STK3: variants seen among roughly 807,000 people sequenced by gnomAD.
The protein encoded by STK3 is serine/threonine kinase 3.
A neutral mutation model predicts 58.0 loss-of-function variants in STK3; 41 were observed. The ratio of observed to expected loss-of-function variants is 0.71; its 90% CI spans 0.55 to 0.92. The LOEUF is 0.92. Ranked by LOEUF, STK3 falls within the 40% of genes least tolerant of loss-of-function variation. The pLI is 0.00. For missense variants in STK3, 479 were observed against 602.7 expected, an observed-to-expected ratio of 0.79 and a Z score of 2.15; for synonymous variants, 170 against 191.0, an observed-to-expected ratio of 0.89 and a Z score of 0.91.
intron 4 of STK3, among the ~76,000 whole-genome samples, chr8:98,738,833 C>T (rs1306470232): frequency 6.6e-6 from 1 of 152,224 alleles, no homozygotes; most frequent in African/African-American, 2.4e-5. Flanking sequence ...GTTCCCTTTC[C>T]TAGTCAAAGA....
Position 98,707,190 on chromosome 8 carries a change from C to T in STK3, c.473G>A (p.Gly158Glu). ...TCCAAAATCTGCCAATTTTGCATGT[C>T]CTTCTGTATTGAGGAGAATATTTCC... ...KAGNILLNTEGHAKLADFGVA... is the reference protein window; with the variant it reads ...KAGNILLNTEEHAKLADFGVA... The change falls in exon 5 of 11, where the codon GGA (glycine) becomes GAA (glutamate). Residue 158 changes from glycine (G) to glutamate (E), a missense_variant. Physicochemically the swap from Gly to Glu is moderately conservative, Grantham distance 98 (BLOSUM62 -2). This residue lies in a region of STK3 where 126 missense variants were observed against 210.1 expected (regional missense o/e 0.60). Transcript: ENST00000419617. 6.2e-7 allele frequency: 1 copy of T among 1,609,772 alleles called. No homozygotes were observed. The highest frequency in any genetic ancestry group is 8.5e-7 in the Non-Finnish European group (1 of 1,179,012).
chr8:98,453,849 T>C (rs1489237472), downstream of STK3, among the ~76,000 whole-genome samples: 2 of 152,104 alleles, frequency 1.3e-5, no homozygotes. Context: ...AGGCAAGATA[T>C]CGAACAGGTT....
At position 98,597,931 on chromosome 8, in the gene STK3, C is replaced by T. The variant is rs1475937091; in HGVS notation, c.685-1762G>A. On this transcript the variant is annotated intron_variant, in intron 6 of 10. Coordinates refer to ENST00000419617, the MANE Select transcript of STK3 (RefSeq NM_006281.4). ...ATCTCAGACAGCTCCACAGTTGAGG[C>T]AGAACCTAATAAGGCTTTAAAAAAT... 5 of 984,956 alleles carry T rather than the reference C, an allele frequency of 5.1e-6. No individual in the cohort carries two copies. In the East Asian group the frequency reaches 5.7e-4, roughly 112 times the overall value. The allele number at this position is 984,956 out of a possible 1,614,324, so 61.0% of individuals were successfully genotyped here.
intron 6 of STK3, among the ~76,000 whole-genome samples, chr8:98,666,981 G>T (rs1822415405): frequency 1.3e-5 from 2 of 152,076 alleles, no homozygotes; most frequent in South Asian, 2.1e-4. Context: ...GGATCATATT[G>T]TCTTTTTAAA....
chr8:98,564,861 G>A (rs936037761), intron 8 of STK3, among the ~76,000 whole-genome samples: 42 of 152,028 alleles, frequency 2.8e-4, no homozygotes, highest in African/African-American at 9.7e-4. Flanking sequence ...TAAAAACTAA[G>A]TAAATCTGAA....
intron 2 of STK3, among the ~76,000 whole-genome samples, chr8:98,375,947 G>A (rs1817669992): frequency 6.6e-6 from 1 of 152,176 alleles, no homozygotes; most frequent in Non-Finnish European, 1.5e-5. Flanking sequence ...ACACAGGGGT[G>A]GGGTTATTGG....
chr8:98,840,071 G>A (rs1374136377), intron 3 of STK3, among the ~76,000 whole-genome samples: 1 of 152,000 alleles, frequency 6.6e-6, no homozygotes, highest in Non-Finnish European at 1.5e-5. Flanking sequence ...TATAGGCTGG[G>A]TGCCGTGGCT....
intron 1 of STK3, among the ~76,000 whole-genome samples, chr8:98,889,369 C>T (rs1414328049): frequency 6.6e-6 from 1 of 152,202 alleles, no homozygotes; most frequent in African/African-American, 2.4e-5. Flanking sequence ...TCCAGGGAGA[C>T]AGTTCCCAGA....
chr8:98,912,935 G>C (rs1041110361), intron 1 of STK3, among the ~76,000 whole-genome samples: 2 of 151,940 alleles, frequency 1.3e-5, no homozygotes, highest in Admixed American at 1.3e-4. Context: ...TTGAGACAGG[G>C]TCTCACTCTG....
At chr8:98,839,833 T>A (rs893104797) in intron 3 of STK3, among the ~76,000 whole-genome samples, 2 of 152,146 alleles carry the variant, frequency 1.3e-5, no homozygotes, top group Admixed American at 1.3e-4. Context: ...ACCTTGCGAA[T>A]AAATCATCAT....
intron 1 of STK3, among the ~76,000 whole-genome samples, chr8:98,441,251 T>A (rs1007927726): frequency 1.8e-4 from 28 of 152,228 alleles, no homozygotes; most frequent in Non-Finnish European, 1.5e-5. Flanking sequence ...GACCTTTCTA[T>A]GAATAGACAC....
At chr8:98,513,293 T>A (rs1824664796) in intron 10 of STK3, among the ~76,000 whole-genome samples, 1 of 152,108 alleles carries the variant, frequency 6.6e-6, no homozygotes, top group Non-Finnish European at 1.5e-5. Context: ...CCAGCCTACA[T>A]AAGAGGGCAA....
intron 6 of STK3, among the ~76,000 whole-genome samples, chr8:98,629,070 G>C (rs76212764): frequency 7.6e-4 from 115 of 152,168 alleles, no homozygotes; most frequent in African/African-American, 2.7e-3. Flanking sequence ...TTTAGACACA[G>C]ATTATACCAA....
At chr8:98,571,414 C>G (rs560403454) in intron 8 of STK3, among the ~76,000 whole-genome samples, 1 of 152,166 alleles carries the variant, frequency 6.6e-6, no homozygotes, top group South Asian at 2.1e-4. Context: ...AAGTTTCTGT[C>G]TAAGAAATGC....
At chr8:98,755,028 T>C (rs1830206157) in intron 3 of STK3, among the ~76,000 whole-genome samples, 1 of 152,140 alleles carries the variant, frequency 6.6e-6, no homozygotes, top group East Asian at 1.9e-4. Flanking sequence ...TATCTCTCCA[T>C]AAGAGTAAGT....
intron 4 of STK3, among the ~76,000 whole-genome samples, chr8:98,713,555 C>T (rs1440327401): frequency 6.6e-6 from 1 of 152,116 alleles, no homozygotes; most frequent in Non-Finnish European, 1.5e-5. Context: ...TTGACACATA[C>T]ACCCTCCCAA....
chr8:98,930,555 CAA>C (rs1367730822), intron 1 of STK3, among the ~76,000 whole-genome samples: 2 of 152,004 alleles, frequency 1.3e-5, no homozygotes, highest in East Asian at 3.9e-4. Context: ...AAAATGGAAA[CAA>C]TGATTGTCTG....
At chr8:98,783,014 A>C (rs1325296272) in intron 1 of STK3, among the ~76,000 whole-genome samples, 1 of 152,004 alleles carries the variant, frequency 6.6e-6, no homozygotes, top group Non-Finnish European at 1.5e-5. Flanking sequence ...AAAGAGAGAA[A>C]GAAGGAGAGG....
At chr8:98,792,892 C>CTGTGTGTGTGTGTGTGTG (rs1299614188) in intron 1 of STK3, among the ~76,000 whole-genome samples, 1 of 98,136 alleles carries the variant, frequency 1.0e-5, no homozygotes, top group African/African-American at 4.4e-5. Flanking sequence ...GATAAAGAGA[C>CTGTGTGTGTGTGTGTGTG]TGTATGTGTG....
Sources: gnomAD v4.1 joint callset for allele counts (sites outside exome capture counted in the v4.1 genomes callset) on GRCh38, gnomAD v4.1.1 for gene constraint, gnomAD v4.1.1 regional missense constraint, MANE v1.5 for transcripts, NCBI Gene and HGNC (gene_info 2026-07-23, HGNC 2026-07-21) for gene names.